LRFN5: variants seen among roughly 807,000 people sequenced by gnomAD.
LRFN5 encodes leucine-rich repeat and fibronectin type-III domain-containing protein 5.
LRFN5 carries 24 observed loss-of-function variants against 45.6 expected under a neutral mutation model. The observed-to-expected ratio is 0.53, with a 90% CI of 0.38 to 0.74. The LOEUF is 0.74. LRFN5 is among the 30% of genes least tolerant of loss of function. The probability of loss-of-function intolerance (pLI) is 0.00; values close to 1 mark genes in which losing one functional copy is unlikely to be tolerated. For synonymous variants in LRFN5, 340 were observed against 313.8 expected, an observed-to-expected ratio of 1.08 and a Z score of -0.88; for missense variants, 776 against 861.5, an observed-to-expected ratio of 0.90 and a Z score of 1.24.
At chr14:41,881,445 C>T (rs2139139198) in intron 2 of LRFN5, among the ~76,000 whole-genome samples, 1 of 151,724 alleles carries the variant, frequency 6.6e-6, no homozygotes, top group Non-Finnish European at 1.5e-5. Context: ...TTTTTCTCTG[C>T]CTCTTTTAAT....
intron 2 of LRFN5, among the ~76,000 whole-genome samples, chr14:41,781,146 G>A (rs563808697): frequency 6.6e-6 from 1 of 152,008 alleles, no homozygotes; most frequent in South Asian, 2.1e-4. Flanking sequence ...TATACCAATT[G>A]AAGTTCTGAC....
intron 2 of LRFN5, among the ~76,000 whole-genome samples, chr14:41,882,281 A>C (rs1890407849): frequency 6.6e-6 from 1 of 152,064 alleles, no homozygotes. Flanking sequence ...GAAGGTGGAA[A>C]TATCCTCTAG....
Position 41,739,401 on chromosome 14 carries a change from A to C in LRFN5, c.-196-27453A>C, listed in dbSNP as rs553885331. ...CATTGTGTCAATCATCATCATCATC[A>C]TCATCATCATCATCATCATCATCTT... On this transcript the variant is annotated intron_variant, in intron 1 of 5. Coordinates refer to ENST00000298119, the MANE Select transcript of LRFN5 (RefSeq NM_152447.5). Among the ~76,000 whole-genome samples, 10 of 151,692 alleles carry C rather than the reference A, an allele frequency of 6.6e-5. No individual in the cohort carries two copies. The South Asian group carries it at 2.1e-3, about 32-fold the overall frequency.
chr14:41,816,303 T>C (rs1887915161), intron 2 of LRFN5, among the ~76,000 whole-genome samples: 1 of 152,156 alleles, frequency 6.6e-6, no homozygotes, highest in Admixed American at 6.6e-5. Context: ...GCTATTATTA[T>C]TTTTAAAAGT....
intron 1 of LRFN5, among the ~76,000 whole-genome samples, chr14:41,670,127 GTATATATACATTCTGTGTGTGTA>G (rs916560221): frequency 9.8e-5 from 10 of 102,404 alleles, no homozygotes; most frequent in Admixed American, 7.0e-4. Context: ...ATATATACAT[GTATATATACATTCTGTGTGTGTA>G]TATATATACA....
At chr14:41,640,731 A>G (rs560290439) in intron 1 of LRFN5, among the ~76,000 whole-genome samples, 1 of 152,236 alleles carries the variant, frequency 6.6e-6, no homozygotes, top group East Asian at 1.9e-4. Context: ...ACAAATAAAT[A>G]CTTTGTACAC....
chr14:41,659,892 G>GTTTTTTTTTTTTTTTTTT (rs11352345), intron 1 of LRFN5, among the ~76,000 whole-genome samples: 1 of 123,892 alleles, frequency 8.1e-6, no homozygotes, highest in Non-Finnish European at 1.8e-5. Context: ...ACTTTTTGAT[G>GTTTTTTTTTTTTTTTTTT]TTTTTTTTTT....
chr14:41,775,480 T>C (rs1246777428), intron 2 of LRFN5, among the ~76,000 whole-genome samples: 1 of 152,194 alleles, frequency 6.6e-6, no homozygotes, highest in Admixed American at 6.5e-5. Flanking sequence ...GGCTTTCTTT[T>C]TGATAACTGG....
chr14:41,781,746 T>C (rs1034771106), intron 2 of LRFN5, among the ~76,000 whole-genome samples: 40 of 151,750 alleles, frequency 2.6e-4, no homozygotes, highest in African/African-American at 8.5e-4. Context: ...AAGTTATAGT[T>C]TTTATTTTCT....
At chr14:41,793,248 C>T (rs778334318) in intron 2 of LRFN5, among the ~76,000 whole-genome samples, 4 of 151,976 alleles carry the variant, frequency 2.6e-5, no homozygotes, top group Non-Finnish European at 4.4e-5. Flanking sequence ...CCGGTCCCTC[C>T]GTTCGGGGTC....
rs180894616 is a variant in LRFN5 at position 41,892,216 on chromosome 14, T to A, written c.2098+254T>A. On this transcript the variant is annotated intron_variant, in intron 4 of 5. Coordinates refer to ENST00000298119, the MANE Select transcript of LRFN5 (RefSeq NM_152447.5). ...TTTATAATTTCTTTTTCATGAAAAA[T>A]CATTTTGAGAACTCACATAGAAGAT... 471 of 985,174 alleles carry A rather than the reference T, an allele frequency of 4.8e-4. 2 individuals carry two copies. In the African/African-American group the frequency reaches 5.1e-3, roughly 11 times the overall value. The allele number at this position is 985,174 out of a possible 1,614,324, so 61.0% of individuals were successfully genotyped here.
At chr14:41,706,931 T>C (rs923034162) in intron 1 of LRFN5, among the ~76,000 whole-genome samples, 5 of 152,190 alleles carry the variant, frequency 3.3e-5, no homozygotes, top group Non-Finnish European at 7.4e-5. Context: ...GCTTAGCATC[T>C]TTTACCTGAT....
intron 2 of LRFN5, among the ~76,000 whole-genome samples, chr14:41,876,293 T>TC (rs1890183840): frequency 7.0e-6 from 1 of 142,804 alleles, no homozygotes. Flanking sequence ...TTTTTTTTTT[T>TC]TTTTTGAGAC....
At chr14:41,698,991 A>G (rs1328637312) in intron 1 of LRFN5, among the ~76,000 whole-genome samples, 1 of 152,084 alleles carries the variant, frequency 6.6e-6, no homozygotes, top group African/African-American at 2.4e-5. Context: ...TGGTTTGCAG[A>G]AATAAAAATA....
At chr14:41,743,695 C>T (rs1884801712) in intron 1 of LRFN5, among the ~76,000 whole-genome samples, 1 of 152,058 alleles carries the variant, frequency 6.6e-6, no homozygotes, top group Non-Finnish European at 1.5e-5. Flanking sequence ...GTCCTCACCA[C>T]AAAAAATATA....
Position 41,658,975 on chromosome 14 carries a change from G to A in LRFN5, c.-197+50413G>A, listed in dbSNP as rs146962599. On this transcript the variant is annotated intron_variant, in intron 1 of 5. Transcript: ENST00000298119. ...CCTGCCTGCCTCTCTGTATGCTACC[G>A]TGTTTTCTTTTTTTCTTAGCCCCTA... 3.8e-3 allele frequency among the ~76,000 whole-genome samples: 576 copies of A among 151,644 alleles called. 3 individuals carry two copies. The highest frequency in any genetic ancestry group is 0.013 in the African/African-American group (534 of 41,366).
At chr14:41,628,950 C>T (rs906733747) in intron 1 of LRFN5, among the ~76,000 whole-genome samples, 4 of 152,144 alleles carry the variant, frequency 2.6e-5, no homozygotes, top group African/African-American at 7.2e-5. Context: ...ATCTACCTTT[C>T]TGACTCTCAC....
At chr14:41,824,479 G>A (rs1472716529) in intron 2 of LRFN5, among the ~76,000 whole-genome samples, 2 of 152,160 alleles carry the variant, frequency 1.3e-5, no homozygotes, top group African/African-American at 2.4e-5. Context: ...TAGTAGTGAT[G>A]CACTGGTTGT....
chr14:41,774,681 A>T (rs1281781612), intron 2 of LRFN5, among the ~76,000 whole-genome samples: 1 of 152,212 alleles, frequency 6.6e-6, no homozygotes, highest in East Asian at 1.9e-4. Context: ...CTTGATTTTG[A>T]AAAGCGTTAA....
Sources: gnomAD v4.1 joint callset for allele counts (sites outside exome capture counted in the v4.1 genomes callset) on GRCh38, gnomAD v4.1.1 for gene constraint, MANE v1.5 for transcripts, NCBI Gene and HGNC (gene_info 2026-07-23, HGNC 2026-07-21) for gene names.